The following SH3BGRL variants were observed in gnomAD, a reference collection of about 807,000 sequenced individuals.
SH3BGRL encodes the protein adapter SH3BGRL.
SH3BGRL carries 7 observed loss-of-function variants against 9.8 expected under a neutral mutation model. The observed-to-expected ratio is 0.72, with a 90% CI of 0.41 to 1.35. The LOEUF is 1.35. SH3BGRL is among the 40% of genes most tolerant of loss of function. The pLI is 0.01. For missense variants in SH3BGRL, 73 were observed against 84.4 expected (o/e 0.86, Z 0.53); for synonymous variants, 36 against 29.1 (o/e 1.24, Z -0.76).
At chrX:81,259,942 C>T (rs182152406) in intron 1 of SH3BGRL, among the ~76,000 whole-genome samples, 10 of 111,461 alleles carry the variant, frequency 9.0e-5, no homozygotes, top group Admixed American at 2.9e-4. Flanking sequence ...CTTTTTCTTA[C>T]GAAATCTTAA....
chrX:81,214,306 G>A (rs1453010568), intron 1 of SH3BGRL, among the ~76,000 whole-genome samples: 1 of 111,377 alleles, frequency 9.0e-6, no homozygotes, highest in Non-Finnish European at 1.9e-5. Flanking sequence ...AAGAAATGGA[G>A]CAAATAATGA....
intron 1 of SH3BGRL, among the ~76,000 whole-genome samples, chrX:81,253,098 T>C (rs999288290): frequency 1.8e-5 from 2 of 112,354 alleles, no homozygotes; most frequent in African/African-American, 3.2e-5. Context: ...AACATGTTCA[T>C]AGAGTGAATA....
intron 1 of SH3BGRL, among the ~76,000 whole-genome samples, chrX:81,255,119 A>T (rs1179223710): frequency 9.0e-6 from 1 of 110,688 alleles, no homozygotes; most frequent in Non-Finnish European, 1.9e-5. Flanking sequence ...CAATCTCCTG[A>T]CCTCATGGTC....
chrX:81,274,088 G>T (rs1001802636), intron 1 of SH3BGRL, among the ~76,000 whole-genome samples: 5 of 111,738 alleles, frequency 4.5e-5, no homozygotes, highest in Admixed American at 2.9e-4. Flanking sequence ...GGTATCAATA[G>T]CCTTTTAACT....
At chrX:81,253,993 T>C (rs1170111457) in intron 1 of SH3BGRL, among the ~76,000 whole-genome samples, 1 of 111,682 alleles carries the variant, frequency 9.0e-6, no homozygotes, top group African/African-American at 3.3e-5. Context: ...TGATTACTGC[T>C]GTATCTGTGG....
chrX:81,243,081 T>C (rs2075676375), intron 1 of SH3BGRL, among the ~76,000 whole-genome samples: 1 of 112,420 alleles, frequency 8.9e-6, no homozygotes. Flanking sequence ...AGAGGTATTC[T>C]GCACTGCCAT....
At chrX:81,248,951 G>A (rs1030559979) in intron 1 of SH3BGRL, among the ~76,000 whole-genome samples, 1 of 111,026 alleles carries the variant, frequency 9.0e-6, no homozygotes, top group African/African-American at 3.3e-5. Context: ...CCATCACAGG[G>A]GCTTTGCTGA....
chrX:81,204,194 T>A (rs1260004000), intron 1 of SH3BGRL, among the ~76,000 whole-genome samples: 1 of 112,430 alleles, frequency 8.9e-6, no homozygotes, highest in Non-Finnish European at 1.9e-5. Flanking sequence ...ATTTATCTAC[T>A]GTAGTAATTA....
At chrX:81,260,330 G>T (rs1038235438) in intron 1 of SH3BGRL, among the ~76,000 whole-genome samples, 4 of 110,958 alleles carry the variant, frequency 3.6e-5, no homozygotes, top group Non-Finnish European at 5.7e-5. Context: ...ATCCATCTGA[G>T]CATTTGTCTC....
intron 3 of SH3BGRL, among the ~76,000 whole-genome samples, chrX:81,290,499 T>G (rs765252402): frequency 1.8e-5 from 2 of 111,439 alleles, no homozygotes; most frequent in South Asian, 7.5e-4. Flanking sequence ...CACCACGTTC[T>G]CACTTATTTG....
At chrX:81,273,907 G>A (rs2075789220) in intron 1 of SH3BGRL, among the ~76,000 whole-genome samples, 1 of 111,313 alleles carries the variant, frequency 9.0e-6, no homozygotes, top group Non-Finnish European at 1.9e-5. Flanking sequence ...TACCTGCTCT[G>A]TGTCTTTGGA....
chrX:81,267,535 C>G (rs1027070931), intron 1 of SH3BGRL, among the ~76,000 whole-genome samples: 2 of 111,803 alleles, frequency 1.8e-5, no homozygotes, highest in Non-Finnish European at 3.8e-5. Context: ...GTTGAACCAG[C>G]CTTGCCTCCC....
chrX:81,251,289 T>C (rs955723833), intron 1 of SH3BGRL, among the ~76,000 whole-genome samples: 3 of 112,362 alleles, frequency 2.7e-5, no homozygotes, highest in African/African-American at 9.7e-5. Flanking sequence ...TAAAGGAATT[T>C]TATATTTTAA....
chrX:81,272,285 G>A (rs2075783105), intron 1 of SH3BGRL, among the ~76,000 whole-genome samples: 1 of 109,026 alleles, frequency 9.2e-6, no homozygotes, highest in South Asian at 4.0e-4. Context: ...GTTATTGAAA[G>A]ACTACACAGT....
intron 3 of SH3BGRL, among the ~76,000 whole-genome samples, chrX:81,288,490 T>A: frequency 9.0e-6 from 1 of 111,266 alleles, no homozygotes; most frequent in East Asian, 2.8e-4. Context: ...AATGAAGAAG[T>A]CAAATTATCC....
chrX:81,204,926 C>A lies in SH3BGRL; in HGVS notation c.45+2681C>A, dbSNP rs1468680598. Among the ~76,000 whole-genome samples, 7 of 112,530 alleles carry A rather than the reference C, an allele frequency of 6.2e-5. 1 individual carries two copies. The highest frequency in any genetic ancestry group is 4.7e-4 in the Admixed American group (5 of 10,697). On this transcript the variant is annotated intron_variant, in intron 1 of 3. Transcript: ENST00000373212. ...GTATGTTGGTCTTTGCAATGGATTT[C>A]ATTTTTTATTTTTATTGATATATCA...
chrX:81,273,063 G>A (rs772987439), intron 1 of SH3BGRL, among the ~76,000 whole-genome samples: 23 of 112,356 alleles, frequency 2.0e-4, no homozygotes, highest in Non-Finnish European at 1.1e-4. Context: ...TTGTAATACT[G>A]TACCTTCATT....
chrX:81,223,701 A>G (rs1156545122), intron 1 of SH3BGRL, among the ~76,000 whole-genome samples: 1 of 111,339 alleles, frequency 9.0e-6, no homozygotes, highest in Non-Finnish European at 1.9e-5. Flanking sequence ...TTAGTGTTTT[A>G]AACTTTTTTT....
At chrX:81,285,691 T>C in intron 3 of SH3BGRL, among the ~76,000 whole-genome samples, 1 of 112,069 alleles carries the variant, frequency 8.9e-6, no homozygotes. Context: ...TTCTGAACTT[T>C]AGAAACTAGT....
Sources: allele counts gnomAD v4.1 joint callset (sites outside exome capture counted in the v4.1 genomes callset), GRCh38; gene constraint gnomAD v4.1.1; transcripts MANE v1.5; gene names NCBI Gene and HGNC (gene_info 2026-07-23, HGNC 2026-07-21).